The following MANSC1 variants were observed in gnomAD, a reference collection of about 807,000 sequenced individuals.
The protein encoded by MANSC1 is MANSC domain containing 1, also known as MANSC domain-containing protein 1.
A neutral mutation model predicts 14.1 loss-of-function variants in MANSC1; 13 were observed. The ratio of observed to expected loss-of-function variants is 0.92; its 90% CI spans 0.60 to 1.46. The LOEUF (loss-of-function observed/expected upper bound fraction) is 1.46, where lower values mean the gene tolerates loss of function less well. MANSC1 is among the 40% of genes most tolerant of loss of function. The pLI, the probability that MANSC1 is intolerant of heterozygous loss-of-function variation, is 0.00. For synonymous variants in MANSC1, 227 were observed against 200.7 expected (o/e 1.13, Z -1.11); for missense variants, 486 against 511.4 (o/e 0.95, Z 0.48).
Position 12,326,768 on chromosome 12 carries a change from T to C in MANSC1, c.*3259A>G, listed in dbSNP as rs1336527393. On this transcript the variant is annotated 3_prime_UTR_variant, in exon 4 of 4. Coordinates refer to ENST00000535902, the MANE Select transcript of MANSC1 (RefSeq NM_018050.4). The stretch of plus-strand genomic sequence containing the variant: ...TCCCAAAGGGCTGAGATTACAGATG[T>C]GAGCCACTATGTGCCTGGCTAAGAG... 1 of 152,064 alleles carries C rather than the reference T, an allele frequency of 6.6e-6. No homozygotes were observed. The highest frequency in any genetic ancestry group is 1.9e-4 in the East Asian group (1 of 5,182). 9.4% of individuals were successfully genotyped at this position (152,064 alleles called of 1,614,324 possible). A position where few individuals can be genotyped will look rare whatever the true frequency, so the allele number is the denominator to read the frequency against.
chr12:12,337,223 G>A (rs1208475084), intron 3 of MANSC1, among the ~76,000 whole-genome samples: 1 of 152,006 alleles, frequency 6.6e-6, no homozygotes, highest in Non-Finnish European at 1.5e-5. Context: ...GTTGCAGTGA[G>A]CTGAGATCGC....
At position 12,326,115 on chromosome 12, in the gene MANSC1, C is replaced by G. The variant is rs1217586751; in HGVS notation, c.*3912G>C. ...CAGAACAAGATGGAAGTTGGCAGTTCCAGGGTTTGTCCTGTCAATTAACCA... is the reference window on the plus strand; with the variant it reads ...CAGAACAAGATGGAAGTTGGCAGTTGCAGGGTTTGTCCTGTCAATTAACCA... On this transcript the variant is annotated 3_prime_UTR_variant, in exon 4 of 4. Coordinates refer to ENST00000535902, the MANE Select transcript of MANSC1 (RefSeq NM_018050.4). 1 of 152,124 alleles carries G rather than the reference C, an allele frequency of 6.6e-6. No homozygotes were observed. Among genetic ancestry groups the G allele is most frequent in the Non-Finnish European group, 1.5e-5 (1 of 68,022 alleles). 9.4% of individuals were successfully genotyped at this position (152,124 alleles called of 1,614,324 possible).
At chr12:12,339,593 A>G (rs1484378881) in intron 2 of MANSC1, among the ~76,000 whole-genome samples, 1 of 152,168 alleles carries the variant, frequency 6.6e-6, no homozygotes, top group East Asian at 1.9e-4. Flanking sequence ...AAAGCATCTC[A>G]GATGCCTAAT....
chr12:12,332,768 C>T (rs528768319), intron 3 of MANSC1, among the ~76,000 whole-genome samples: 2 of 152,238 alleles, frequency 1.3e-5, no homozygotes, highest in African/African-American at 2.4e-5. Context: ...TGATCCACCC[C>T]CTTCGGTCTC....
rs1332047478 is a variant in MANSC1, at chr12:12,330,705, A to T, written c.618T>A (p.Ser206Arg). ...TTTCTTGATCAGAGGAAAATTGTGA[A>T]CTCTGAGAATGGCCTTTTTCCTTAT... ...LAYKEKGHSQ[S>R]SQFSSDQEIA... Residue 206 changes from serine (S) to arginine (R), a missense_variant, in exon 4 of 4, where the codon AGT (serine) becomes AGA (arginine). By Grantham distance (110) the Ser-to-Arg change is moderately radical. Coordinates refer to ENST00000535902, the MANE Select transcript of MANSC1 (RefSeq NM_018050.4). The T allele has an allele frequency of 1.2e-6, 2 of 1,614,186 alleles. No individual in the cohort carries two copies. Among genetic ancestry groups the T allele is most frequent in the East Asian group, 4.5e-5 (2 of 44,882 alleles).
rs1470799578 is a variant in MANSC1 at position 12,327,210 on chromosome 12, T to C, written c.*2817A>G. ...CCTCATCTTCTCACCTGTTCTAGGC[T>C]GCTACCTTCTCTTTCTACAAACCAA... On this transcript the variant is annotated 3_prime_UTR_variant, in exon 4 of 4. Transcript: ENST00000535902. 1 of 152,332 alleles carries C rather than the reference T, an allele frequency of 6.6e-6. No individual in the cohort carries two copies. Among genetic ancestry groups the C allele is most frequent in the African/African-American group, 2.4e-5 (1 of 41,456 alleles). 9.4% of individuals were successfully genotyped at this position (152,332 alleles called of 1,614,324 possible).
In MANSC1 at chr12:12,330,801, C is replaced by A. The variant is rs1341127340; in HGVS notation, c.522G>T (p.Gln174His). Reference sequence around the variant, plus strand: ...CCAAGTGATCTGAGGATCCAAACTTCTGAGAAAGTGTGTCTCTCCATGAGA... The same window carrying A: ...CCAAGTGATCTGAGGATCCAAACTTATGAGAAAGTGTGTCTCTCCATGAGA... ...TDISWRDTLS[Q>H]KFGSSDHLEK... The change falls in exon 4 of 4, where the codon CAG becomes CAT. Residue 174 changes from glutamine (Q) to histidine (H), a missense_variant. Physicochemically the swap from Gln to His is conservative, Grantham distance 24. Transcript: ENST00000535902. 1 of 1,614,036 alleles carries A rather than the reference C, an allele frequency of 6.2e-7. No homozygotes were observed. The highest frequency in any genetic ancestry group is 8.5e-7 in the Non-Finnish European group (1 of 1,180,042).
Position 12,344,915 on chromosome 12 carries a change from CCATATATATATATATATATATATA to C in MANSC1, c.-100-1525_-100-1502del, listed in dbSNP as rs1247986613. Reference sequence around the variant, plus strand: ...ATGTGAGTTAATACTTAATAAACTCCCATATATATATATATATATATATATATATATATATATATATATATATAT... The same window carrying C: ...ATGTGAGTTAATACTTAATAAACTCCTATATATATATATATATATATATAT... On this transcript the variant is annotated intron_variant, in intron 1 of 3. Coordinates refer to ENST00000535902, the MANE Select transcript of MANSC1 (RefSeq NM_018050.4). Among the ~76,000 whole-genome samples the C allele has an allele frequency of 2.0e-4, 6 of 30,060 alleles. 1 individual carries two copies. Among genetic ancestry groups the C allele is most frequent in the African/African-American group, 5.6e-4 (5 of 8,934 alleles). The allele number at this position is 30,060 out of a possible 152,430, so 19.7% of individuals were successfully genotyped here.
At chr12:12,336,106 C>T (rs1456163464) in intron 3 of MANSC1, among the ~76,000 whole-genome samples, 3 of 152,154 alleles carry the variant, frequency 2.0e-5, no homozygotes, top group Non-Finnish European at 4.4e-5. Context: ...CCACTGCACT[C>T]CACCCTGGGC....
chr12:12,345,152 T>G (rs912649304), intron 1 of MANSC1, among the ~76,000 whole-genome samples: 8 of 149,146 alleles, frequency 5.4e-5, no homozygotes, highest in Non-Finnish European at 1.0e-4. Context: ...AAACCCCATC[T>G]CTATTAAAAA....
intron 3 of MANSC1, 92 bp downstream of exon 3, chr12:12,338,328 T>C (rs906356128): frequency 8.7e-7 from 1 of 1,149,344 alleles, no homozygotes; most frequent in Admixed American, 2.8e-5. Flanking sequence ...CCCCTTCTGG[T>C]AGTTTTATTT....
At chr12:12,342,092 A>C (rs1158227723) in intron 2 of MANSC1, among the ~76,000 whole-genome samples, 1 of 152,244 alleles carries the variant, frequency 6.6e-6, no homozygotes, top group African/African-American at 2.4e-5. Flanking sequence ...ACATGCGTGC[A>C]CCAGCACGCC....
At position 12,333,977 on chromosome 12, in the gene MANSC1, G is replaced by A. The variant is rs1025068106; in HGVS notation, c.365-3019C>T. 5.3e-5 allele frequency among the ~76,000 whole-genome samples: 8 copies of A among 152,148 alleles called. No individual in the cohort carries two copies. The East Asian group carries it at 7.7e-4, about 15-fold the overall frequency. ...GATATAGGAAATAGAGGCTGGGCAC[G>A]GTGGCTCATGCCTGTAATCCCAGCA... On this transcript the variant is annotated intron_variant, in intron 3 of 3. Transcript: ENST00000535902.
chr12:12,350,015 T>A (rs1024261320), intron 1 of MANSC1, 63 bp downstream of exon 1: 4 of 152,228 alleles, frequency 2.6e-5, no homozygotes, highest in Non-Finnish European at 4.4e-5. Flanking sequence ...GGACCGACTC[T>A]CTCCGCAGGT....
chr12:12,334,960 C>A (rs1862838876), intron 3 of MANSC1, among the ~76,000 whole-genome samples: 1 of 152,096 alleles, frequency 6.6e-6, no homozygotes, highest in African/African-American at 2.4e-5. Flanking sequence ...TTCCCCGAAG[C>A]CCCTCATACT....
intron 3 of MANSC1, among the ~76,000 whole-genome samples, chr12:12,337,185 G>A (rs1030116946): frequency 2.6e-5 from 4 of 151,972 alleles, no homozygotes; most frequent in Non-Finnish European, 5.9e-5. Context: ...GCTGAGGCAT[G>A]AGAATTGCTT....
At position 12,328,852 on chromosome 12, in the gene MANSC1, T is replaced by G. The variant is rs549300324; in HGVS notation, c.*1175A>C. 1,898 of 151,812 alleles carry G rather than the reference T, an allele frequency of 0.013. 13 individuals are homozygous for G. Among genetic ancestry groups the G allele is most frequent in the Non-Finnish European group, 0.019 (1,269 of 67,964 alleles). 9.4% of individuals were successfully genotyped at this position (151,812 alleles called of 1,614,324 possible). On this transcript the variant is annotated 3_prime_UTR_variant, in exon 4 of 4. Coordinates refer to ENST00000535902, the MANE Select transcript of MANSC1 (RefSeq NM_018050.4). ...AAATATAAAAAATTAGCTGGGCGTGTTGGCGGGCGCCTGTAGTCCCAGCTA... is the reference window on the plus strand; with the variant it reads ...AAATATAAAAAATTAGCTGGGCGTGGTGGCGGGCGCCTGTAGTCCCAGCTA...
rs762893268 is a variant in MANSC1, at chr12:12,330,714, A to G, written c.609T>C (p.His203=). ...AQLLAYKEKG[H]SQSSQFSSDQ... ...CAGAGGAAAATTGTGAACTCTGAGA[A>G]TGGCCTTTTTCCTTATAAGCAAGGA... Residue 203 remains histidine (H), a synonymous_variant, in exon 4 of 4, where the codon CAT becomes CAC. Coordinates refer to ENST00000535902, the MANE Select transcript of MANSC1 (RefSeq NM_018050.4). 1.5e-5 allele frequency: 25 copies of G among 1,614,216 alleles called. No homozygotes were observed. In the South Asian group the frequency reaches 2.4e-4, roughly 16 times the overall value.
In MANSC1 at chr12:12,343,303, C is replaced by T. The variant is rs752883221; in HGVS notation, c.12G>A (p.Gly4=). The change falls in exon 2 of 4, where the codon GGG becomes GGA. Residue 4 remains glycine, a synonymous_variant. Coordinates refer to ENST00000535902, the MANE Select transcript of MANSC1 (RefSeq NM_018050.4). MFF[G]GEGSLTYTLV... is the part of the protein sequence containing the mutation. Reference sequence around the variant, plus strand: ...AAGTGTAAGTCAAGCTCCCTTCTCCCCCGAAGAACATTTTAAATTTCAGTT... The same window carrying T: ...AAGTGTAAGTCAAGCTCCCTTCTCCTCCGAAGAACATTTTAAATTTCAGTT... 24 of 1,613,148 alleles carry T rather than the reference C, an allele frequency of 1.5e-5. No homozygotes were observed. The South Asian group carries it at 2.6e-4, about 18-fold the overall frequency.
Sources: allele counts gnomAD v4.1 joint callset (sites outside exome capture counted in the v4.1 genomes callset), GRCh38; gene constraint gnomAD v4.1.1; transcripts MANE v1.5; gene names NCBI Gene and HGNC (gene_info 2026-07-23, HGNC 2026-07-21).